Variants in CPT1A observed in about 807,000 individuals in gnomAD.
CPT1A encodes carnitine palmitoyltransferase 1A, also known as carnitine O-palmitoyltransferase 1, liver isoform.
In CPT1A, 64 loss-of-function variants were observed where a neutral mutation model predicts 100.8. That is an observed-to-expected ratio of 0.63 (90% CI 0.52 to 0.78). CPT1A has a LOEUF of 0.78. Ranked by LOEUF, CPT1A falls within the 30% of genes least tolerant of loss-of-function variation. The pLI, the probability that CPT1A is intolerant of heterozygous loss-of-function variation, is 0.00. For missense variants in CPT1A, 802 were observed against 1,034.1 expected (o/e 0.78, Z 3.08); for synonymous variants, 363 against 396.0 (o/e 0.92, Z 0.99).
At chr11:68,804,565 G>A (rs1208764368) in intron 4 of CPT1A, among the ~76,000 whole-genome samples, 1 of 152,164 alleles carries the variant, frequency 6.6e-6, no homozygotes, top group African/African-American at 2.4e-5. Flanking sequence ...TCCAGCCTGG[G>A]CAACATAGTG....
chr11:68,815,685 A>G (rs1474658326), intron 1 of CPT1A, among the ~76,000 whole-genome samples, 198 bp from the exon 2 acceptor site: 3 of 152,126 alleles, frequency 2.0e-5, no homozygotes, highest in African/African-American at 7.2e-5. Flanking sequence ...GACAGTCGCC[A>G]CCTCTGCTTA....
chr11:68,817,792 C>A (rs1482330045), intron 1 of CPT1A, among the ~76,000 whole-genome samples: 1 of 135,036 alleles, frequency 7.4e-6, no homozygotes, highest in Non-Finnish European at 1.6e-5. Context: ...CAAGAGCAGG[C>A]CAGCGGGGTC....
At chr11:68,839,009 G>T (rs756246644) in intron 1 of CPT1A, among the ~76,000 whole-genome samples, 3 of 151,932 alleles carry the variant, frequency 2.0e-5, no homozygotes, top group African/African-American at 7.3e-5. Context: ...AGAGATTCTC[G>T]AGAGATTCTC....
chr11:68,821,838 G>GAATGT (rs1198103239), intron 1 of CPT1A, among the ~76,000 whole-genome samples: 1 of 152,120 alleles, frequency 6.6e-6, no homozygotes, highest in Non-Finnish European at 1.5e-5. Flanking sequence ...AGGGGTCTTG[G>GAATGT]AATGTATCCC....
At chr11:68,784,684 C>CTTGG in intron 10 of CPT1A, 131 bp downstream of exon 10, 1 of 882,014 alleles carries the variant, frequency 1.1e-6, no homozygotes, top group Non-Finnish European at 1.8e-6. Flanking sequence ...CCGGGAGACC[C>CTTGG]CAGAGAAAAA....
At chr11:68,771,452 A>G (rs1396988381) in intron 14 of CPT1A, among the ~76,000 whole-genome samples, 1 of 152,172 alleles carries the variant, frequency 6.6e-6, no homozygotes, top group Non-Finnish European at 1.5e-5. Flanking sequence ...CTGCTCATCA[A>G]TTCTCAAAAT....
At chr11:68,779,852 A>G (rs1855257890) in intron 12 of CPT1A, among the ~76,000 whole-genome samples, 1 of 151,778 alleles carries the variant, frequency 6.6e-6, no homozygotes, top group Non-Finnish European at 1.5e-5. Context: ...GCAGGGGGAC[A>G]GGGGTTTGTG....
rs1457845504 is a variant in CPT1A at position 68,760,337 on chromosome 11, A to C, written c.2030T>G (p.Val677Gly). 1 of 1,607,806 alleles carries C rather than the reference A, an allele frequency of 6.2e-7. No homozygotes were observed. The highest frequency in any genetic ancestry group is 8.5e-7 in the Non-Finnish European group (1 of 1,176,664). ...TGATAATCTCCAAGGCTCAGATAAA[A>C]CCTATTGAGTGAAACAGGGAAATGT... ...LAVESPFLKE[V>G]LSEPWRLSTS... is the part of the protein sequence containing the mutation. Residue 677 changes from valine (V) to glycine (G), a missense_variant and splice_region_variant, in exon 17 of 19, where the codon GTT (valine) becomes GGT (glycine). Val to Gly is a moderately radical substitution (Grantham distance 109). Transcript: ENST00000265641.
intron 10 of CPT1A, 96 bp from the exon 11 acceptor site, chr11:68,782,055 G>A (rs2153997948): frequency 8.3e-7 from 1 of 1,212,070 alleles, no homozygotes. Context: ...CAGTTTTTCA[G>A]AATTTCTCGA....
At chr11:68,786,564 C>T (rs912802600) in intron 9 of CPT1A, among the ~76,000 whole-genome samples, 2 of 152,174 alleles carry the variant, frequency 1.3e-5, no homozygotes, top group Non-Finnish European at 2.9e-5. Context: ...GAGTCTCGCT[C>T]TTATTGCCCA....
At chr11:68,836,217 T>C (rs1333874533) in intron 1 of CPT1A, among the ~76,000 whole-genome samples, 1 of 152,254 alleles carries the variant, frequency 6.6e-6, no homozygotes, top group African/African-American at 2.4e-5. Context: ...GGCTCATGCC[T>C]GGAATCCCAA....
chr11:68,790,018 T>TTC (rs1479443306), intron 9 of CPT1A, among the ~76,000 whole-genome samples: 1 of 152,206 alleles, frequency 6.6e-6, no homozygotes, highest in Non-Finnish European at 1.5e-5. Flanking sequence ...TATGTCCATG[T>TTC]TCTAGCCCTG....
At chr11:68,767,748 T>G (rs12274770) in intron 14 of CPT1A, among the ~76,000 whole-genome samples, 4,329 of 152,208 alleles carry the variant, frequency 0.028, 193 homozygotes, top group African/African-American at 0.095. Flanking sequence ...GAAGCTGCCT[T>G]TTTCTTTTGT....
chr11:68,778,864 C>T (rs534729087), intron 12 of CPT1A, among the ~76,000 whole-genome samples: 2 of 151,686 alleles, frequency 1.3e-5, no homozygotes, highest in African/African-American at 2.4e-5. Flanking sequence ...CGGCTCACTG[C>T]AAGCTCTGCC....
Position 68,780,706 on chromosome 11 carries a change from G to GT in CPT1A, c.1391dup (p.Asn464LysfsTer9). ...GTTCAGCGTTGAGGCCCATCTTCCCGTTTTTGAAGACAACAAACGTGAACG... is the reference window on the plus strand; with the variant it reads ...GTTCAGCGTTGAGGCCCATCTTCCCGTTTTTTGAAGACAACAAACGTGAACG... On this transcript the variant is annotated frameshift_variant, in exon 12 of 19. Transcript: ENST00000265641. LOFTEE classifies it high-confidence loss of function. 1 of 1,614,218 alleles carries GT rather than the reference G, an allele frequency of 6.2e-7. No individual in the cohort carries two copies. The highest frequency in any genetic ancestry group is 1.1e-5 in the South Asian group (1 of 91,084).
At position 68,760,180 on chromosome 11, in the gene CPT1A, C is replaced by T. The variant is rs1402075189; in HGVS notation, c.2142+45G>A. 1.4e-5 allele frequency: 19 copies of T among 1,375,674 alleles called. No individual in the cohort carries two copies. In the Middle Eastern group the frequency reaches 2.2e-3, roughly 161 times the overall value. 85.2% of individuals were successfully genotyped at this position (1,375,674 alleles called of 1,614,324 possible). On this transcript the variant is annotated intron_variant, in intron 17 of 18. Transcript: ENST00000265641. ...GCCCATCACACCCCATTACCCATCCCATCACCACGCCCCACTGCGCCTCGC... is the reference window on the plus strand; with the variant it reads ...GCCCATCACACCCCATTACCCATCCTATCACCACGCCCCACTGCGCCTCGC...
Position 68,841,143 on chromosome 11 carries a change from G to A in CPT1A, c.-14+632C>T, listed in dbSNP as rs372975158. On this transcript the variant is annotated intron_variant, in intron 1 of 18. Transcript: ENST00000265641. The surrounding 1 kb of genome is among the most constrained non-coding windows in gnomAD (Gnocchi z 6.3). ...GACGGACGCTGGGATGGGGTCAGCGGCGCCCTGCCGAATCCCGAGGGCCGA... is the reference window on the plus strand; with the variant it reads ...GACGGACGCTGGGATGGGGTCAGCGACGCCCTGCCGAATCCCGAGGGCCGA... Among the ~76,000 whole-genome samples the A allele has an allele frequency of 4.1e-4, 62 of 152,352 alleles. No homozygotes were observed. Among genetic ancestry groups the A allele is most frequent in the African/African-American group, 1.3e-3 (55 of 41,582 alleles).
intron 14 of CPT1A, among the ~76,000 whole-genome samples, chr11:68,767,404 C>T (rs1329772054): frequency 6.6e-6 from 1 of 152,078 alleles, no homozygotes; most frequent in Non-Finnish European, 1.5e-5. Flanking sequence ...GCCTGGGAAA[C>T]AAGGTGAAAC....
Position 68,841,374 on chromosome 11 carries a change from G to A in CPT1A, c.-14+401C>T, listed in dbSNP as rs1857155860. Among the ~76,000 whole-genome samples, 1 of 151,622 alleles carries A rather than the reference G, an allele frequency of 6.6e-6. No individual in the cohort carries two copies. The highest frequency in any genetic ancestry group is 2.1e-4 in the South Asian group (1 of 4,804). On this transcript the variant is annotated intron_variant, in intron 1 of 18. Coordinates refer to ENST00000265641, the MANE Select transcript of CPT1A (RefSeq NM_001876.4). The surrounding 1 kb of genome is among the most constrained non-coding windows in gnomAD (Gnocchi z 6.3). ...CACCCGCAGGCTGACCGACCCCTGGGCAGACCCTCAGACTCAATCCAGTCC... is the reference window on the plus strand; with the variant it reads ...CACCCGCAGGCTGACCGACCCCTGGACAGACCCTCAGACTCAATCCAGTCC...
Sources: gnomAD v4.1 joint callset for allele counts (sites outside exome capture counted in the v4.1 genomes callset) on GRCh38, gnomAD v4.1.1 for gene constraint, Gnocchi (gnomAD v3.1) non-coding constraint, MANE v1.5 for transcripts, NCBI Gene and HGNC (gene_info 2026-07-23, HGNC 2026-07-21) for gene names.